Variants in BRINP3 observed in about 807,000 individuals in gnomAD.
BRINP3 encodes BMP/retinoic acid-inducible neural-specific protein 3.
A neutral mutation model predicts 71.0 loss-of-function variants in BRINP3; 19 were observed. That is an observed-to-expected ratio of 0.27 (90% CI 0.19 to 0.39). The LOEUF (loss-of-function observed/expected upper bound fraction) is 0.39, where lower values mean the gene tolerates loss of function less well. Ranked by LOEUF, BRINP3 falls within the 10% of genes least tolerant of loss-of-function variation. The pLI, the probability that BRINP3 is intolerant of heterozygous loss-of-function variation, is 1.00. For missense variants in BRINP3, 959 were observed against 940.8 expected, an observed-to-expected ratio of 1.02 and a Z score of -0.25; for synonymous variants, 380 against 337.7, an observed-to-expected ratio of 1.13 and a Z score of -1.37.
chr1:190,328,684 C>T (rs954603999), intron 2 of BRINP3, among the ~76,000 whole-genome samples: 2 of 144,858 alleles, frequency 1.4e-5, no homozygotes, highest in South Asian at 4.4e-4. Context: ...ATGAAGCCAG[C>T]ATTACCCTGA....
At chr1:190,395,367 T>C (rs1465002776) in intron 2 of BRINP3, among the ~76,000 whole-genome samples, 2 of 151,834 alleles carry the variant, frequency 1.3e-5, no homozygotes, top group African/African-American at 4.8e-5. Context: ...AAGAAAAATC[T>C]AGAATTTTAA....
At chr1:190,273,168 C>T (rs560698773) in intron 3 of BRINP3, among the ~76,000 whole-genome samples, 259 of 151,322 alleles carry the variant, frequency 1.7e-3, no homozygotes, top group Middle Eastern at 3.4e-3. Context: ...GTAACTTTTC[C>T]ACAAGTATTA....
At chr1:190,209,993 T>C (rs1237208422) in intron 6 of BRINP3, among the ~76,000 whole-genome samples, 1 of 152,104 alleles carries the variant, frequency 6.6e-6, no homozygotes, top group Non-Finnish European at 1.5e-5. Flanking sequence ...AAGGTAGTAT[T>C]GCTTAAAAGT....
intron 2 of BRINP3, among the ~76,000 whole-genome samples, chr1:190,432,933 T>C (rs1674196384): frequency 6.6e-6 from 1 of 152,174 alleles, no homozygotes; most frequent in African/African-American, 2.4e-5. Flanking sequence ...TTTTAATTTT[T>C]ATGAAAAATA....
chr1:190,390,467 G>A (rs1480730010), intron 2 of BRINP3, among the ~76,000 whole-genome samples: 2 of 151,868 alleles, frequency 1.3e-5, no homozygotes, highest in East Asian at 3.9e-4. Flanking sequence ...GGTATTAGAA[G>A]AATCTTCCCT....
chr1:190,293,358 T>G (rs1664013992), intron 2 of BRINP3, among the ~76,000 whole-genome samples: 1 of 152,192 alleles, frequency 6.6e-6, no homozygotes, highest in Non-Finnish European at 1.5e-5. Flanking sequence ...TGATTTCTAG[T>G]TTTAGTCCAT....
chr1:190,356,423 G>T (rs1312986817), intron 2 of BRINP3, among the ~76,000 whole-genome samples: 2 of 152,038 alleles, frequency 1.3e-5, no homozygotes, highest in Admixed American at 6.6e-5. Flanking sequence ...CTGTGAGAAG[G>T]TATTAGAAAG....
intron 2 of BRINP3, among the ~76,000 whole-genome samples, chr1:190,411,124 G>A (rs1204344209): frequency 6.6e-6 from 1 of 152,008 alleles, no homozygotes; most frequent in Non-Finnish European, 1.5e-5. Flanking sequence ...CAGAAACACA[G>A]GAAATAGAGT....
chr1:190,357,110 T>A (rs1668781585), intron 2 of BRINP3, among the ~76,000 whole-genome samples: 1 of 152,094 alleles, frequency 6.6e-6, no homozygotes, highest in African/African-American at 2.4e-5. Flanking sequence ...TATAATTTAC[T>A]TTCATGACCA....
At chr1:190,291,799 C>T (rs1219470886) in intron 2 of BRINP3, among the ~76,000 whole-genome samples, 2 of 152,134 alleles carry the variant, frequency 1.3e-5, no homozygotes, top group Non-Finnish European at 2.9e-5. Context: ...AATCCCACCA[C>T]TGGGTATATA....
intron 7 of BRINP3, among the ~76,000 whole-genome samples, chr1:190,115,647 T>G (rs1397823009): frequency 1.3e-5 from 2 of 152,138 alleles, no homozygotes; most frequent in Non-Finnish European, 2.9e-5. Flanking sequence ...ACATCCCGAC[T>G]CTCTGCCTCA....
chr1:190,374,452 A>G (rs1014189399), intron 2 of BRINP3, among the ~76,000 whole-genome samples: 2 of 152,172 alleles, frequency 1.3e-5, no homozygotes, highest in African/African-American at 4.8e-5. Context: ...TTACCAATTT[A>G]ATTCGTCAAA....
intron 4 of BRINP3, among the ~76,000 whole-genome samples, chr1:190,261,582 A>G (rs184337870): frequency 3.8e-4 from 58 of 152,234 alleles, no homozygotes; most frequent in Non-Finnish European, 6.2e-4. Context: ...AGCTGGCATG[A>G]TTTTGTAGAT....
intron 1 of BRINP3, among the ~76,000 whole-genome samples, chr1:190,456,381 T>C (rs1330271952): frequency 1.3e-5 from 2 of 152,168 alleles, no homozygotes; most frequent in East Asian, 3.9e-4. Flanking sequence ...GTACCGTCTT[T>C]TGTAAACAAC....
chr1:190,287,337 A>G (rs1440635791), intron 2 of BRINP3, among the ~76,000 whole-genome samples: 1 of 152,192 alleles, frequency 6.6e-6, no homozygotes, highest in East Asian at 1.9e-4. Context: ...GGATGCCTGT[A>G]CCACTGAAGC....
At chr1:190,343,655 T>A (rs1367665952) in intron 2 of BRINP3, among the ~76,000 whole-genome samples, 1 of 151,666 alleles carries the variant, frequency 6.6e-6, no homozygotes, top group African/African-American at 2.4e-5. Flanking sequence ...TAATCTCTAA[T>A]TTGTTAGAGG....
intron 4 of BRINP3, among the ~76,000 whole-genome samples, chr1:190,242,825 T>C (rs1659237547): frequency 6.6e-6 from 1 of 152,104 alleles, no homozygotes; most frequent in Non-Finnish European, 1.5e-5. Context: ...AAAATATATT[T>C]ATTTGAAGTA....
At chr1:190,187,618 C>A (rs1375462459) in intron 6 of BRINP3, among the ~76,000 whole-genome samples, 1 of 152,116 alleles carries the variant, frequency 6.6e-6, no homozygotes, top group African/African-American at 2.4e-5. Context: ...TTTCCCAACA[C>A]TATTTATTGA....
At chr1:190,184,772 A>G (rs1215866486) in intron 6 of BRINP3, among the ~76,000 whole-genome samples, 2 of 152,092 alleles carry the variant, frequency 1.3e-5, no homozygotes, top group African/African-American at 4.8e-5. Flanking sequence ...GATTTGGAAA[A>G]CTACCTATCA....
Sources: allele counts gnomAD v4.1 joint callset (sites outside exome capture counted in the v4.1 genomes callset), GRCh38; gene constraint gnomAD v4.1.1; transcripts MANE v1.5; gene names NCBI Gene and HGNC (gene_info 2026-07-23, HGNC 2026-07-21).